The following ADAMTS19 variants were observed in gnomAD, a reference collection of about 807,000 sequenced individuals.
ADAMTS19 encodes the protein ADAM metallopeptidase with thrombospondin type 1 motif 19.
A neutral mutation model predicts 153.3 loss-of-function variants in ADAMTS19; 93 were observed. The observed-to-expected ratio is 0.61, with a 90% CI of 0.51 to 0.72. ADAMTS19 has a LOEUF of 0.72. ADAMTS19 is among the 30% of genes least tolerant of loss of function. The pLI, the probability that ADAMTS19 is intolerant of heterozygous loss-of-function variation, is 0.00. For missense variants in ADAMTS19, 1,482 were observed against 1,552.1 expected (o/e 0.95, Z 0.76); for synonymous variants, 600 against 556.6 (o/e 1.08, Z -1.10).
chr5:129,566,290 C>T (rs530537510), intron 7 of ADAMTS19, among the ~76,000 whole-genome samples: 1 of 152,124 alleles, frequency 6.6e-6, no homozygotes, highest in East Asian at 1.9e-4. Flanking sequence ...AAATATAATT[C>T]CCTAGGTAGT....
chr5:129,599,826 G>T (rs1478666908), intron 8 of ADAMTS19, among the ~76,000 whole-genome samples: 1 of 152,100 alleles, frequency 6.6e-6, no homozygotes, highest in Non-Finnish European at 1.5e-5. Context: ...AATCAATAGA[G>T]ATGTGCCAAA....
intron 2 of ADAMTS19, among the ~76,000 whole-genome samples, chr5:129,478,896 G>T: frequency 6.6e-6 from 1 of 152,226 alleles, no homozygotes; most frequent in Non-Finnish European, 1.5e-5. Context: ...GAATGGAGGC[G>T]CTGTAGTTTT....
At chr5:129,492,531 G>GTGTGTGTGTA (rs1237545724) in intron 2 of ADAMTS19, among the ~76,000 whole-genome samples, 1 of 151,080 alleles carries the variant, frequency 6.6e-6, no homozygotes, top group Admixed American at 6.6e-5. Context: ...GTGTGTGTGT[G>GTGTGTGTGTA]TATGTGTATA....
intron 4 of ADAMTS19, 53 bp downstream of exon 4, chr5:129,526,509 G>T (rs754453121): frequency 1.4e-6 from 2 of 1,479,454 alleles, no homozygotes; most frequent in East Asian, 2.5e-5. Flanking sequence ...CTCTAAGGAA[G>T]ACATGTGTGA....
intron 21 of ADAMTS19, among the ~76,000 whole-genome samples, chr5:129,706,926 A>G (rs1356257542): frequency 1.3e-5 from 2 of 152,206 alleles, no homozygotes; most frequent in East Asian, 3.9e-4. Flanking sequence ...ATTCTTAAAT[A>G]TAATTGGATT....
intron 7 of ADAMTS19, among the ~76,000 whole-genome samples, chr5:129,594,868 GAAGT>G (rs1466067236): frequency 6.6e-6 from 1 of 151,428 alleles, no homozygotes; most frequent in Non-Finnish European, 1.5e-5. Context: ...ATTTAACCTT[GAAGT>G]AATTTCAGTT....
At chr5:129,634,933 G>C (rs1269657530) in intron 10 of ADAMTS19, among the ~76,000 whole-genome samples, 1 of 151,906 alleles carries the variant, frequency 6.6e-6, no homozygotes, top group Non-Finnish European at 1.5e-5. Context: ...TTAAACTAAA[G>C]AGCTTGTGCA....
At chr5:129,639,870 A>C (rs1321321816) in intron 10 of ADAMTS19, among the ~76,000 whole-genome samples, 1 of 152,208 alleles carries the variant, frequency 6.6e-6, no homozygotes, top group Non-Finnish European at 1.5e-5. Context: ...TTTAGAATCA[A>C]AAATGCTCAG....
chr5:129,585,225 A>T (rs1007376257), intron 7 of ADAMTS19, among the ~76,000 whole-genome samples: 1 of 151,336 alleles, frequency 6.6e-6, no homozygotes, highest in Non-Finnish European at 1.5e-5. Context: ...CGTGGGCTGC[A>T]CCCACTGTCT....
In ADAMTS19 at chr5:129,737,087, C is replaced by T; in HGVS notation, c.3511C>T (p.Leu1171=). ...CACAGCTGCTCTGACTTTCAAGTGC[C>T]TGGGAGATCAGTGGCCAGTGTACTG... ...PRLAALTFKC[L]GDQWPVYCRV... Residue 1171 remains leucine (L), a synonymous_variant, in exon 23 of 23, where the codon CTG becomes TTG. Coordinates refer to ENST00000274487, the MANE Select transcript of ADAMTS19 (RefSeq NM_133638.6). 2 of 1,598,344 alleles carry T rather than the reference C, an allele frequency of 1.3e-6. No homozygotes were observed. Among genetic ancestry groups the T allele is most frequent in the Non-Finnish European group, 1.7e-6 (2 of 1,169,908 alleles).
intron 3 of ADAMTS19, among the ~76,000 whole-genome samples, chr5:129,514,898 C>G (rs1052381664): frequency 6.6e-6 from 1 of 152,002 alleles, no homozygotes; most frequent in Admixed American, 6.6e-5. Flanking sequence ...CCAAAGTTTT[C>G]TTGTAATAGT....
chr5:129,607,665 C>T (rs538768121), intron 8 of ADAMTS19, among the ~76,000 whole-genome samples: 1 of 152,188 alleles, frequency 6.6e-6, no homozygotes, highest in Admixed American at 6.5e-5. Flanking sequence ...TTAAGATAAA[C>T]TGTATGAAAA....
rs1312976201 is a variant in ADAMTS19 at position 129,460,427 on chromosome 5, C to A, written c.36C>A (p.Ile12=). ...GKNREMRLTH[I]CCCCLLYQLG... is the part of the protein sequence containing the mutation. ...ACCGCGAGATGCGCCTGACTCACATCTGCTGCTGCTGCCTCCTTTACCAGC... is the reference window on the plus strand; with the variant it reads ...ACCGCGAGATGCGCCTGACTCACATATGCTGCTGCTGCCTCCTTTACCAGC... Residue 12 remains isoleucine, a synonymous_variant, in exon 1 of 23, where the codon ATC becomes ATA. Transcript: ENST00000274487. 1 of 1,613,958 alleles carries A rather than the reference C, an allele frequency of 6.2e-7. No individual in the cohort carries two copies. Among genetic ancestry groups the A allele is most frequent in the Non-Finnish European group, 8.5e-7 (1 of 1,179,924 alleles).
chr5:129,660,950 C>T (rs1405699980), intron 15 of ADAMTS19, among the ~76,000 whole-genome samples: 4 of 152,098 alleles, frequency 2.6e-5, no homozygotes, highest in Non-Finnish European at 4.4e-5. Context: ...CTGACCATAC[C>T]CCCACTGCCA....
chr5:129,669,059 G>A (rs147339855), intron 16 of ADAMTS19, among the ~76,000 whole-genome samples: 176 of 151,240 alleles, frequency 1.2e-3, no homozygotes, highest in African/African-American at 4.1e-3. Flanking sequence ...CAATGGAAAA[G>A]ATTAGAAAGT....
chr5:129,618,062 T>C (rs1010211244), intron 8 of ADAMTS19, among the ~76,000 whole-genome samples: 8 of 151,956 alleles, frequency 5.3e-5, no homozygotes, highest in African/African-American at 1.9e-4. Flanking sequence ...ATAAGGCAAC[T>C]GAGGCAGGTT....
chr5:129,468,163 T>C (rs1002358060), intron 2 of ADAMTS19, among the ~76,000 whole-genome samples: 4 of 152,326 alleles, frequency 2.6e-5, no homozygotes, highest in Admixed American at 6.5e-5. Context: ...CTCTAATGTA[T>C]ATCTATGTTA....
At chr5:129,600,183 T>C (rs959496685) in intron 8 of ADAMTS19, among the ~76,000 whole-genome samples, 1 of 152,022 alleles carries the variant, frequency 6.6e-6, no homozygotes, top group Admixed American at 6.6e-5. Flanking sequence ...TAAATAATGG[T>C]ATCTACAGAT....
Position 129,658,741 on chromosome 5 carries a change from A to G in ADAMTS19, c.2425+4A>G. ...TTTAATCACACCAGAGGAGCAGGTA[A>G]TTTTTCTTTATTTTTTCATAAATAT... On this transcript the variant is annotated splice_donor_region_variant and intron_variant, in intron 15 of 22. Coordinates refer to ENST00000274487, the MANE Select transcript of ADAMTS19 (RefSeq NM_133638.6). 6.3e-6 allele frequency: 10 copies of G among 1,597,086 alleles called. No individual in the cohort carries two copies. Among genetic ancestry groups the G allele is most frequent in the Non-Finnish European group, 8.5e-6 (10 of 1,173,914 alleles).
Sources: allele counts gnomAD v4.1 joint callset (sites outside exome capture counted in the v4.1 genomes callset), GRCh38; gene constraint gnomAD v4.1.1; transcripts MANE v1.5; gene names NCBI Gene and HGNC (gene_info 2026-07-23, HGNC 2026-07-21).